The following CDH4 variants were observed in gnomAD, a reference collection of about 807,000 sequenced individuals.
CDH4 encodes cadherin-4.
CDH4 carries 33 observed loss-of-function variants against 86.0 expected under a neutral mutation model. That is an observed-to-expected ratio of 0.38 (90% CI 0.29 to 0.51). The LOEUF is 0.51. Among genes scored for constraint, CDH4 ranks in the 20% least tolerant of loss-of-function variants. CDH4 has a pLI of 0.86. For missense variants in CDH4, 1,114 were observed against 1,307.4 expected, an observed-to-expected ratio of 0.85 and a Z score of 2.28; for synonymous variants, 555 against 549.4, an observed-to-expected ratio of 1.01 and a Z score of -0.14.
chr20:61,340,861 G>T (rs1568805090), intron 2 of CDH4, among the ~76,000 whole-genome samples: 1 of 152,162 alleles, frequency 6.6e-6, no homozygotes, highest in Non-Finnish European at 1.5e-5. Context: ...GAATATTGGG[G>T]TGCAAATAAG....
chr20:61,687,953 C>A (rs1034786959), intron 2 of CDH4, among the ~76,000 whole-genome samples: 15 of 152,136 alleles, frequency 9.9e-5, no homozygotes, highest in African/African-American at 3.6e-4. Context: ...TCCTTAAGCA[C>A]AAGCATTAAC....
intron 2 of CDH4, among the ~76,000 whole-genome samples, chr20:61,644,834 C>T (rs541647507): frequency 6.6e-6 from 1 of 152,372 alleles, no homozygotes; most frequent in Non-Finnish European, 1.5e-5. Flanking sequence ...ACCCTCCTCC[C>T]CGGCCTGTCC....
chr20:61,627,391 C>T lies in CDH4; in HGVS notation c.170-116172C>T, dbSNP rs6142810. Reference sequence around the variant, plus strand: ...CCCTTGGCACAGTGAATGCTCAAGACGTTCTCCGCTCATTGGCTGGGGTGG... The same window carrying T: ...CCCTTGGCACAGTGAATGCTCAAGATGTTCTCCGCTCATTGGCTGGGGTGG... On this transcript the variant is annotated intron_variant, in intron 2 of 15. Transcript: ENST00000614565. 2.4e-4 allele frequency among the ~76,000 whole-genome samples: 36 copies of T among 152,310 alleles called. 1 individual carries two copies. In the East Asian group the frequency reaches 3.9e-3, roughly 16 times the overall value.
chr20:61,714,355 A>G (rs1163186978), intron 2 of CDH4, among the ~76,000 whole-genome samples: 4 of 152,106 alleles, frequency 2.6e-5, no homozygotes. Flanking sequence ...ACCATTGTCT[A>G]TTCTTTAACA....
At chr20:61,856,201 A>T (rs1982994904) in intron 6 of CDH4, among the ~76,000 whole-genome samples, 1 of 152,246 alleles carries the variant, frequency 6.6e-6, no homozygotes, top group Non-Finnish European at 1.5e-5. Context: ...TATTCTCTGG[A>T]AGGACAGGGT....
intron 2 of CDH4, among the ~76,000 whole-genome samples, chr20:61,530,032 TTG>T (rs895310730): frequency 2.0e-5 from 3 of 151,984 alleles, no homozygotes; most frequent in Admixed American, 6.5e-5. Context: ...GTTTGTTTGT[TTG>T]TGTGTTTGTT....
chr20:61,588,638 C>T (rs1280655513), intron 2 of CDH4, among the ~76,000 whole-genome samples: 1 of 152,074 alleles, frequency 6.6e-6, no homozygotes, highest in Non-Finnish European at 1.5e-5. Context: ...CCTCCCGAGA[C>T]CACACTAGCC....
At position 61,617,221 on chromosome 20, in the gene CDH4, G is replaced by A. The variant is rs567447935; in HGVS notation, c.170-126342G>A. Among the ~76,000 whole-genome samples the A allele has an allele frequency of 1.5e-3, 228 of 152,282 alleles. 3 individuals carry two copies. Among genetic ancestry groups the A allele is most frequent in the Non-Finnish European group, 8.4e-4 (57 of 68,022 alleles). The stretch of plus-strand genomic sequence containing the variant: ...TCTGAACCCATACTTCCCACGCTGT[G>A]TCGTGTCTGCCTGTCTTTCCTCTTA... On this transcript the variant is annotated intron_variant, in intron 2 of 15. Transcript: ENST00000614565.
At chr20:61,536,390 C>T (rs1375249637) in intron 2 of CDH4, among the ~76,000 whole-genome samples, 1 of 152,070 alleles carries the variant, frequency 6.6e-6, no homozygotes, top group Non-Finnish European at 1.5e-5. Flanking sequence ...ACAGAACAAC[C>T]CATGGAAAGT....
intron 2 of CDH4, among the ~76,000 whole-genome samples, chr20:61,461,199 A>T (rs565562342): frequency 4.1e-4 from 62 of 151,448 alleles, no homozygotes; most frequent in Admixed American, 2.0e-3. Context: ...TTTTTTTTTA[A>T]AAAAAATGCA....
chr20:61,668,093 G>A (rs1268795980), intron 2 of CDH4, among the ~76,000 whole-genome samples: 1 of 152,196 alleles, frequency 6.6e-6, no homozygotes, highest in Non-Finnish European at 1.5e-5. Flanking sequence ...TTAGGTCCCT[G>A]CTATCTTTTA....
intron 2 of CDH4, among the ~76,000 whole-genome samples, chr20:61,383,199 T>TAATATATGAATATATATGAATATATTA (rs1451051993): frequency 4.1e-5 from 3 of 73,474 alleles, no homozygotes; most frequent in Admixed American, 2.6e-4. Context: ...ATGAATATAT[T>TAATATATGAATATATATGAATATATTA]TATATATGAA....
intron 2 of CDH4, chr20:61,718,612 C>A: frequency 2.8e-6 from 1 of 361,870 alleles, no homozygotes; most frequent in Non-Finnish European, 5.6e-6. Context: ...AGGGGCTACC[C>A]GACTGGGTGT....
intron 2 of CDH4, among the ~76,000 whole-genome samples, chr20:61,302,835 G>A (rs1300794709): frequency 6.6e-6 from 1 of 152,218 alleles, no homozygotes; most frequent in Non-Finnish European, 1.5e-5. Context: ...GGTTATCCTG[G>A]TTGGTGCCAT....
At chr20:61,819,296 C>G (rs554272940) in intron 4 of CDH4, among the ~76,000 whole-genome samples, 77 of 152,368 alleles carry the variant, frequency 5.1e-4, no homozygotes, top group African/African-American at 1.7e-3. Context: ...AAACTGCCCC[C>G]TTCTAAGAAA....
chr20:61,693,495 A>G (rs1361901345), intron 2 of CDH4, among the ~76,000 whole-genome samples: 1 of 152,224 alleles, frequency 6.6e-6, no homozygotes, highest in African/African-American at 2.4e-5. Context: ...CCCAAGGCCG[A>G]AGGCACTGGT....
intron 2 of CDH4, among the ~76,000 whole-genome samples, chr20:61,733,789 C>T (rs6121786): frequency 0.17 from 25,425 of 152,272 alleles, 2,494 homozygotes; most frequent in Non-Finnish European, 0.22. Context: ...TTGAAACTCA[C>T]CCTCTCCTCA....
At chr20:61,374,156 C>T (rs1032056177) in intron 2 of CDH4, among the ~76,000 whole-genome samples, 4 of 152,212 alleles carry the variant, frequency 2.6e-5, no homozygotes, top group African/African-American at 4.8e-5. Flanking sequence ...GCAGTAGCAC[C>T]TATAGGTTGG....
At chr20:61,858,545 GTGTCTGTGTCTGCATGTGTGTC>G (rs538658859) in intron 6 of CDH4, among the ~76,000 whole-genome samples, 231 of 152,252 alleles carry the variant, frequency 1.5e-3, no homozygotes, top group African/African-American at 5.4e-3. Context: ...GTCTGTGTGT[GTGTCTGTGTCTGCATGTGTGTC>G]TGTCTGTGTG....
Sources: gnomAD v4.1 joint callset for allele counts (sites outside exome capture counted in the v4.1 genomes callset) on GRCh38, gnomAD v4.1.1 for gene constraint, MANE v1.5 for transcripts, NCBI Gene and HGNC (gene_info 2026-07-23, HGNC 2026-07-21) for gene names.